ZNF831: variants seen among roughly 807,000 people sequenced by gnomAD.
ZNF831 encodes the protein zinc finger protein 831.
ZNF831 carries 59 observed loss-of-function variants against 95.8 expected under a neutral mutation model. The ratio of observed to expected loss-of-function variants is 0.62; its 90% CI spans 0.50 to 0.77. ZNF831 has a LOEUF of 0.77. ZNF831 is among the 30% of genes least tolerant of loss of function. ZNF831 has a pLI of 0.00. For synonymous variants in ZNF831, 961 were observed against 925.5 expected, an observed-to-expected ratio of 1.04 and a Z score of -0.70; for missense variants, 2,205 against 2,164.0, an observed-to-expected ratio of 1.02 and a Z score of -0.38.
chr20:59,223,093 C>G (rs1986206393), intron 4 of ZNF831, among the ~76,000 whole-genome samples: 1 of 151,806 alleles, frequency 6.6e-6, no homozygotes, highest in Admixed American at 6.6e-5. Flanking sequence ...GAGGCAGGAG[C>G]CCCAGCTGAT....
chr20:59,187,358 G>A (rs377742243), intron 1 of ZNF831, among the ~76,000 whole-genome samples: 3 of 152,142 alleles, frequency 2.0e-5, no homozygotes, highest in Admixed American at 6.5e-5. Flanking sequence ...ACCCCAGAGA[G>A]CTCCACTGGT....
At chr20:59,159,133 T>C (rs981966334), upstream of ZNF831, among the ~76,000 whole-genome samples, 3 of 151,632 alleles carry the variant, frequency 2.0e-5, no homozygotes, top group African/African-American at 7.3e-5. Context: ...TTTGAAGAGG[T>C]GTGTTATGAA....
intron 1 of ZNF831, among the ~76,000 whole-genome samples, chr20:59,126,664 C>T (rs978377918): frequency 6.6e-6 from 1 of 152,252 alleles, no homozygotes; most frequent in Non-Finnish European, 1.5e-5. Context: ...GCCCCGTTTC[C>T]ATATGCATGC....
Position 59,190,888 on chromosome 20 carries a change from C to G in ZNF831, c.-36-96C>G, listed in dbSNP as rs1356290252. The G allele has an allele frequency of 1.7e-5, 19 of 1,091,054 alleles. No homozygotes were observed. The Admixed American group carries it at 6.3e-4, about 36-fold the overall frequency. 67.6% of individuals were successfully genotyped at this position (1,091,054 alleles called of 1,614,324 possible). A position where few individuals can be genotyped will look rare whatever the true frequency, so the allele number is the denominator to read the frequency against. On this transcript the variant is annotated intron_variant, in intron 1 of 5. Transcript: ENST00000371030. ...ATTCCTTAGGGGATTGTCAGGCTTC[C>G]GTTGGGTGATGAAGTGCTTGGTGCA...
rs552654794 is a variant in ZNF831, at chr20:59,223,559, GCC to G, written c.4027+16504_4027+16505del. The stretch of plus-strand genomic sequence containing the variant: ...TCGGAGGAAAGCACTCGGGCTCGCT[GCC>G]GAGTTTCACCACCTGTAGTCATGTC... On this transcript the variant is annotated intron_variant, in intron 4 of 5. Transcript: ENST00000371030. Among the ~76,000 whole-genome samples the G allele has an allele frequency of 2.0e-3, 310 of 152,348 alleles. 2 individuals are homozygous for G. Among genetic ancestry groups the G allele is most frequent in the African/African-American group, 7.1e-3 (295 of 41,592 alleles).
rs563672968 is a variant in ZNF831 at position 59,138,990 on chromosome 20, C to T, written c.-1424-7241C>T. On this transcript the variant is annotated intron_variant, in intron 1 of 7. Coordinates refer to the ZNF831 transcript ENST00000637017. The stretch of plus-strand genomic sequence containing the variant: ...CTCTCCGTCCATTTCCCCAGAGCCA[C>T]TTTCAATTCTGTTTCCTTCTCTTTT... 2.4e-3 allele frequency among the ~76,000 whole-genome samples: 365 copies of T among 152,220 alleles called. 3 individuals carry two copies. The highest frequency in any genetic ancestry group is 8.4e-3 in the African/African-American group (349 of 41,534).
rs780466771 is a variant in ZNF831 at position 59,191,484 on chromosome 20, G to T, written c.465G>T (p.Lys155Asn). Residue 155 changes from lysine to asparagine, a missense_variant, in exon 2 of 6, where the codon AAG becomes AAT. By Grantham distance (94) the Lys-to-Asn change is moderately conservative (BLOSUM62 0). Coordinates refer to ENST00000371030, the MANE Select transcript of ZNF831 (RefSeq NM_178457.3). ...CGCACTGTGGTCGCGACTGCCTGAA[G>T]CCCAGTGTTCTAGAGAAGCACATCC... ...LCPHCGRDCL[K>N]PSVLEKHIRS... 15 of 1,613,118 alleles carry T rather than the reference G, an allele frequency of 9.3e-6. No homozygotes were observed. Among genetic ancestry groups the T allele is most frequent in the Non-Finnish European group, 1.3e-5 (15 of 1,180,010 alleles).
At chr20:59,197,250 T>C (rs1012823662) in intron 3 of ZNF831, among the ~76,000 whole-genome samples, 2 of 152,202 alleles carry the variant, frequency 1.3e-5, no homozygotes, top group African/African-American at 4.8e-5. Flanking sequence ...TGTCCAGAGC[T>C]AACATTATGG....
In ZNF831 at chr20:59,192,265, C is replaced by G. The variant is rs1568753446; in HGVS notation, c.1246C>G (p.Gln416Glu). The G allele has an allele frequency of 6.3e-7, 1 of 1,592,606 alleles. No individual in the cohort carries two copies. The highest frequency in any genetic ancestry group is 8.5e-7 in the Non-Finnish European group (1 of 1,169,934). The part of the protein sequence containing the change: ...ERIAQLISHN[Q>E]AVVDDAQLDN... ...CATCGCCCAGCTCATCTCCCACAACCAGGCGGTGGTGGACGATGCCCAGCT... is the reference window on the plus strand; with the variant it reads ...CATCGCCCAGCTCATCTCCCACAACGAGGCGGTGGTGGACGATGCCCAGCT... Residue 416 changes from glutamine (Q) to glutamate (E), a missense_variant, in exon 2 of 6, where the codon CAG (glutamine) becomes GAG (glutamate). Coordinates refer to ENST00000371030, the MANE Select transcript of ZNF831 (RefSeq NM_178457.3). The surrounding 1 kb of genome is among the most constrained non-coding windows in gnomAD (Gnocchi z 5.2).
intron 4 of ZNF831, among the ~76,000 whole-genome samples, chr20:59,236,794 C>T (rs889140841): frequency 2.6e-5 from 4 of 152,106 alleles, no homozygotes; most frequent in Non-Finnish European, 4.4e-5. Flanking sequence ...ATGCTATTGA[C>T]AACTTTAATA....
At chr20:59,176,275 A>G (rs1185795901) in intron 1 of ZNF831, among the ~76,000 whole-genome samples, 1 of 152,220 alleles carries the variant, frequency 6.6e-6, no homozygotes, top group East Asian at 1.9e-4. Flanking sequence ...AGACAAACTT[A>G]TAGGGACAGA....
chr20:59,194,502 C>A lies in ZNF831; in HGVS notation c.3483C>A (p.Ser1161Arg), dbSNP rs2146600531. The A allele has an allele frequency of 1.2e-6, 2 of 1,610,664 alleles. No homozygotes were observed. The highest frequency in any genetic ancestry group is 2.2e-5 in the South Asian group (2 of 90,486). ...ALSSHSGTSR[S>R]HSTRSPHSTQ... ...CTTCCCACTCAGGGACGTCCCGGAGCCACAGCACCCGCAGTCCCCACAGCA... is the reference window on the plus strand; with the variant it reads ...CTTCCCACTCAGGGACGTCCCGGAGACACAGCACCCGCAGTCCCCACAGCA... The change falls in exon 2 of 6, where the codon AGC becomes AGA. Residue 1161 changes from serine to arginine, a missense_variant. Transcript: ENST00000371030.
chr20:59,245,418 C>T (rs1323172426), intron 4 of ZNF831, among the ~76,000 whole-genome samples: 6 of 152,138 alleles, frequency 3.9e-5, no homozygotes, highest in Admixed American at 6.5e-5. Flanking sequence ...GGCAGGCACC[C>T]GAATTAGCAA....
At chr20:59,164,871 T>C (rs115643189) in intron 1 of ZNF831, among the ~76,000 whole-genome samples, 144 of 152,294 alleles carry the variant, frequency 9.5e-4, no homozygotes, top group African/African-American at 3.2e-3. Context: ...CAAATCTTTC[T>C]GTAAGAATGA....
intron 1 of ZNF831, among the ~76,000 whole-genome samples, chr20:59,174,063 G>T (rs1981951335): frequency 6.6e-6 from 1 of 152,126 alleles, no homozygotes; most frequent in Non-Finnish European, 1.5e-5. Flanking sequence ...GGGTGCTGCT[G>T]GATAGCAGAC....
chr20:59,211,699 A>G (rs568062427), intron 4 of ZNF831, among the ~76,000 whole-genome samples: 1 of 152,192 alleles, frequency 6.6e-6, no homozygotes, highest in Admixed American at 6.5e-5. Flanking sequence ...CCACTTATAA[A>G]CAACTTTCTC....
rs564437933 is a variant in ZNF831 at position 59,127,457 on chromosome 20, G to C, written c.-1425+3952G>C. 3.9e-5 allele frequency among the ~76,000 whole-genome samples: 6 copies of C among 152,230 alleles called. No individual in the cohort carries two copies. The South Asian group carries it at 1.2e-3, about 32-fold the overall frequency. On this transcript the variant is annotated intron_variant, in intron 1 of 7. Coordinates refer to the ZNF831 transcript ENST00000637017. ...AGTCCCACGTCCTTCCCGTGGCCTC[G>C]AGGGCCTGCACCTTCCTGTTCCCAG...
intron 1 of ZNF831, among the ~76,000 whole-genome samples, chr20:59,127,050 T>C (rs1342368968): frequency 1.3e-5 from 2 of 152,156 alleles, no homozygotes; most frequent in African/African-American, 4.8e-5. Flanking sequence ...ACTTCTCGTC[T>C]GAAGGGGTTC....
At chr20:59,211,745 G>T (rs905394560) in intron 4 of ZNF831, among the ~76,000 whole-genome samples, 1 of 151,830 alleles carries the variant, frequency 6.6e-6, no homozygotes, top group African/African-American at 2.4e-5. Context: ...TGGATGGAGA[G>T]ATCAGAGCTG....
Sources: gnomAD v4.1 joint callset for allele counts (sites outside exome capture counted in the v4.1 genomes callset) on GRCh38, gnomAD v4.1.1 for gene constraint, Gnocchi (gnomAD v3.1) non-coding constraint, MANE v1.5 for transcripts, NCBI Gene and HGNC (gene_info 2026-07-23, HGNC 2026-07-21) for gene names.